Variants in ANKH observed in about 807,000 individuals in gnomAD.
The protein encoded by ANKH is mineralization regulator ANKH.
Under a neutral mutation model 49.0 loss-of-function variants are expected in ANKH, and 15 were observed. The observed-to-expected ratio is 0.31, with a 90% CI of 0.20 to 0.47. ANKH has a LOEUF of 0.47. Among genes scored for constraint, ANKH ranks in the 20% least tolerant of loss-of-function variants. The pLI is 1.00. For synonymous variants in ANKH, 273 were observed against 260.0 expected (o/e 1.05, Z -0.48); for missense variants, 429 against 652.0 (o/e 0.66, Z 3.72).
At chr5:14,841,799 A>C (rs932738649) in intron 1 of ANKH, among the ~76,000 whole-genome samples, 2 of 151,870 alleles carry the variant, frequency 1.3e-5, no homozygotes, top group African/African-American at 4.8e-5. Flanking sequence ...GGATTTGACT[A>C]CTCTAAGTAC....
At chr5:14,776,294 G>A (rs73048900) in intron 1 of ANKH, among the ~76,000 whole-genome samples, 3,288 of 152,280 alleles carry the variant, frequency 0.022, 140 homozygotes, top group African/African-American at 0.075. Context: ...GATTTGAGAT[G>A]CCCATTAGGA....
chr5:14,773,750 G>C (rs1739525296), intron 1 of ANKH, among the ~76,000 whole-genome samples: 1 of 152,142 alleles, frequency 6.6e-6, no homozygotes, highest in Non-Finnish European at 1.5e-5. Flanking sequence ...TTGAAAGCAA[G>C]GATTTTTGCC....
chr5:14,823,149 A>T (rs1283152450), intron 1 of ANKH, among the ~76,000 whole-genome samples: 3 of 152,218 alleles, frequency 2.0e-5, no homozygotes, highest in Non-Finnish European at 2.9e-5. Flanking sequence ...TACACTTCTG[A>T]CATTTACTAT....
chr5:14,782,236 T>G (rs76016679), intron 1 of ANKH, among the ~76,000 whole-genome samples: 2 of 152,088 alleles, frequency 1.3e-5, no homozygotes, highest in Admixed American at 1.3e-4. Context: ...ATGATGATGA[T>G]CTCAGCAACT....
intron 1 of ANKH, among the ~76,000 whole-genome samples, chr5:14,823,912 A>T (rs1741266063): frequency 6.6e-6 from 1 of 152,196 alleles, no homozygotes; most frequent in African/African-American, 2.4e-5. Flanking sequence ...CCTGGGTGAC[A>T]AAGAGAGACT....
intron 1 of ANKH, among the ~76,000 whole-genome samples, chr5:14,859,113 C>G (rs890817318): frequency 2.0e-5 from 3 of 152,144 alleles, no homozygotes; most frequent in African/African-American, 7.2e-5. Flanking sequence ...CCATCCATCT[C>G]TAGAGCTTTT....
chr5:14,762,655 CCAA>C (rs368149436), intron 2 of ANKH, among the ~76,000 whole-genome samples: 226 of 151,922 alleles, frequency 1.5e-3, no homozygotes, highest in African/African-American at 5.1e-3. Flanking sequence ...GTATAAAATC[CCAA>C]CAACTGTTTT....
rs899752232 is a variant in ANKH, at chr5:14,768,917, T to C, written c.313+58A>G. On this transcript the variant is annotated intron_variant, in intron 2 of 11. Transcript: ENST00000284268. Reference sequence around the variant, plus strand: ...ATCTCAATAAATACATTTAAATCAATGAAAAGGAATAAGAAATTGCCAAAG... The same window carrying C: ...ATCTCAATAAATACATTTAAATCAACGAAAAGGAATAAGAAATTGCCAAAG... 7 of 1,526,712 alleles carry C rather than the reference T, an allele frequency of 4.6e-6. No individual in the cohort carries two copies. The African/African-American group carries it at 6.8e-5, about 15-fold the overall frequency. The allele number at this position is 1,526,712 out of a possible 1,614,324, so 94.6% of individuals were successfully genotyped here. A position where few individuals can be genotyped will look rare whatever the true frequency, so the allele number is the denominator to read the frequency against.
At position 14,713,927 on chromosome 5, in the gene ANKH, C is replaced by T. The variant is rs1243218944; in HGVS notation, c.1142-260G>A. On this transcript the variant is annotated intron_variant, in intron 9 of 11. Transcript: ENST00000284268. The surrounding 1 kb of genome is among the most constrained non-coding windows in gnomAD (Gnocchi z 4.4). ...AGGCAGGCTCCTTTCTCCACTGGGA[C>T]AGCATCTTCCAGGCAGCCTAGCTGC... 6.6e-6 allele frequency among the ~76,000 whole-genome samples: 1 copy of T among 152,260 alleles called. No homozygotes were observed. Among genetic ancestry groups the T allele is most frequent in the Non-Finnish European group, 1.5e-5 (1 of 68,048 alleles).
intron 1 of ANKH, among the ~76,000 whole-genome samples, chr5:14,825,598 C>T (rs531396910): frequency 1.3e-5 from 2 of 152,180 alleles, no homozygotes; most frequent in Non-Finnish European, 2.9e-5. Flanking sequence ...AGTGATCCTC[C>T]TGCATCAGCC....
chr5:14,754,237 A>G (rs1300941872), intron 4 of ANKH, among the ~76,000 whole-genome samples: 1 of 152,104 alleles, frequency 6.6e-6, no homozygotes. Context: ...GAGAAGGAAA[A>G]TGGCTGTAGG....
intron 1 of ANKH, among the ~76,000 whole-genome samples, chr5:14,819,934 CACACAT>C (rs1217294394): frequency 1.4e-5 from 2 of 138,366 alleles, no homozygotes; most frequent in African/African-American, 5.3e-5. Flanking sequence ...CACACACACA[CACACAT>C]TAAGCCTAAT....
intron 1 of ANKH, among the ~76,000 whole-genome samples, chr5:14,853,846 A>T (rs1258937605): frequency 6.6e-6 from 1 of 152,194 alleles, no homozygotes; most frequent in African/African-American, 2.4e-5. Context: ...CTCTAAGGTG[A>T]GTCTACTCCC....
chr5:14,705,670 A>G lies in ANKH; in HGVS notation c.*5527T>C, dbSNP rs995090592. 6.5e-6 allele frequency: 1 copy of G among 152,906 alleles called. No individual in the cohort carries two copies. Among genetic ancestry groups the G allele is most frequent in the Non-Finnish European group, 1.5e-5 (1 of 68,092 alleles). 9.5% of individuals were successfully genotyped at this position (152,906 alleles called of 1,614,324 possible). On this transcript the variant is annotated 3_prime_UTR_variant, in exon 12 of 12. Transcript: ENST00000284268. ...CAACCAAAATATCTCATTAAATCCA[A>G]GGAGCAGCGTATTTGCCACTGCAAG...
intron 1 of ANKH, among the ~76,000 whole-genome samples, chr5:14,834,611 T>C (rs1741601757): frequency 6.6e-6 from 1 of 152,036 alleles, no homozygotes; most frequent in Non-Finnish European, 1.5e-5. Flanking sequence ...TGAAACTCTG[T>C]CTCTAAAAAA....
intron 1 of ANKH, among the ~76,000 whole-genome samples, chr5:14,863,432 T>C (rs1485172051): frequency 6.6e-6 from 1 of 152,120 alleles, no homozygotes; most frequent in Non-Finnish European, 1.5e-5. Flanking sequence ...ATGATACTCA[T>C]TTAATAAGGT....
intron 8 of ANKH, among the ~76,000 whole-genome samples, chr5:14,731,379 T>C (rs1206050122): frequency 6.6e-6 from 1 of 151,442 alleles, no homozygotes; most frequent in Non-Finnish European, 1.5e-5. Context: ...GTGCTCAGAG[T>C]AAAAGTGCTC....
rs556039678 is a variant in ANKH, at chr5:14,725,110, C to T, written c.1012-8275G>A. On this transcript the variant is annotated intron_variant, in intron 8 of 11. Coordinates refer to ENST00000284268, the MANE Select transcript of ANKH (RefSeq NM_054027.6). This position sits in a 1 kb window ranked among gnomAD's most constrained non-coding sequence, Gnocchi z 4.0. ...ACCGGGCAAGCCAGTGGTTAGCCCT[C>T]GGCAACACAAAGTGTGAAGAGGAGG... Among the ~76,000 whole-genome samples, 6 of 152,274 alleles carry T rather than the reference C, an allele frequency of 3.9e-5. No individual in the cohort carries two copies. The highest frequency in any genetic ancestry group is 3.3e-4 in the Admixed American group (5 of 15,298).
At chr5:14,784,601 G>A (rs185707058) in intron 1 of ANKH, among the ~76,000 whole-genome samples, 222 of 152,288 alleles carry the variant, frequency 1.5e-3, no homozygotes, top group Middle Eastern at 0.01. Flanking sequence ...CATAAAGAAC[G>A]TAAGTCATGT....
Sources: allele counts gnomAD v4.1 joint callset (sites outside exome capture counted in the v4.1 genomes callset), GRCh38; gene constraint gnomAD v4.1.1; non-coding constraint Gnocchi (gnomAD v3.1); transcripts MANE v1.5; gene names NCBI Gene and HGNC (gene_info 2026-07-23, HGNC 2026-07-21).